CLSTN2: variants seen among roughly 807,000 people sequenced by gnomAD.
CLSTN2 encodes calsyntenin-2.
A neutral mutation model predicts 101.2 loss-of-function variants in CLSTN2; 48 were observed. The ratio of observed to expected loss-of-function variants is 0.47; its 90% CI spans 0.38 to 0.60. CLSTN2 has a LOEUF of 0.60. Among genes scored for constraint, CLSTN2 ranks in the 20% least tolerant of loss-of-function variants. The pLI is 0.00. For synonymous variants in CLSTN2, 481 were observed against 463.6 expected, an observed-to-expected ratio of 1.04 and a Z score of -0.48; for missense variants, 1,160 against 1,238.2, an observed-to-expected ratio of 0.94 and a Z score of 0.95.
chr3:140,212,371 C>T (rs539790010), intron 2 of CLSTN2, among the ~76,000 whole-genome samples: 1 of 152,274 alleles, frequency 6.6e-6, no homozygotes, highest in South Asian at 2.1e-4. Flanking sequence ...TTTGGGGTAA[C>T]ATTTTTCATT....
At chr3:139,996,796 C>T (rs376482578) in intron 1 of CLSTN2, among the ~76,000 whole-genome samples, 1 of 151,874 alleles carries the variant, frequency 6.6e-6, no homozygotes, top group Non-Finnish European at 1.5e-5. Flanking sequence ...GACTGTGATC[C>T]CAGCTCTTTG....
intron 8 of CLSTN2, chr3:140,508,152 C>T (rs1934720780): frequency 6.6e-6 from 1 of 152,240 alleles, no homozygotes; most frequent in Admixed American, 6.5e-5. Context: ...GACTTGTACC[C>T]TCCTTCCTTC....
chr3:140,029,803 G>T (rs955906477), intron 1 of CLSTN2, among the ~76,000 whole-genome samples: 3 of 151,970 alleles, frequency 2.0e-5, no homozygotes, highest in Non-Finnish European at 1.5e-5. Context: ...ATTCCTCTAG[G>T]ATTACTTCTT....
Position 140,570,446 on chromosome 3 carries a change from C to A in CLSTN2, c.*4193C>A, listed in dbSNP as rs1985496935. On this transcript the variant is annotated 3_prime_UTR_variant, in exon 17 of 17. Transcript: ENST00000458420. ...CAGGAAGTTGTGCATAGGCTATATG[C>A]AAATACTATGCATTTTATATAAAGG... 1 of 152,140 alleles carries A rather than the reference C, an allele frequency of 6.6e-6. No individual in the cohort carries two copies. The highest frequency in any genetic ancestry group is 2.4e-5 in the African/African-American group (1 of 41,430). 9.4% of individuals were successfully genotyped at this position (152,140 alleles called of 1,614,324 possible).
intron 1 of CLSTN2, among the ~76,000 whole-genome samples, chr3:139,979,165 G>A (rs918412966): frequency 2.6e-4 from 40 of 152,086 alleles, no homozygotes; most frequent in Admixed American, 7.2e-4. Context: ...TCTGCAATAC[G>A]TGACCAGGAT....
chr3:140,036,186 A>G (rs1364068438), intron 1 of CLSTN2, among the ~76,000 whole-genome samples: 1 of 152,190 alleles, frequency 6.6e-6, no homozygotes, highest in African/African-American at 2.4e-5. Context: ...TACTATCTGT[A>G]AGCTAGATAG....
chr3:140,484,637 A>G (rs1052127354), intron 8 of CLSTN2, among the ~76,000 whole-genome samples: 2 of 152,164 alleles, frequency 1.3e-5, no homozygotes, highest in East Asian at 1.9e-4. Context: ...ACATAGTCCC[A>G]TATTTCTTGG....
intron 8 of CLSTN2, among the ~76,000 whole-genome samples, chr3:140,473,919 G>C (rs1296988883): frequency 6.6e-6 from 1 of 151,996 alleles, no homozygotes; most frequent in Non-Finnish European, 1.5e-5. Flanking sequence ...TACCACGCCA[G>C]GCTAATTTTT....
chr3:140,436,521 C>A (rs1158207984), intron 5 of CLSTN2, among the ~76,000 whole-genome samples: 1 of 152,222 alleles, frequency 6.6e-6, no homozygotes, highest in Non-Finnish European at 1.5e-5. Context: ...GTTCACCTGG[C>A]AAAGGCACAA....
At chr3:140,154,439 A>C (rs2107815905) in intron 1 of CLSTN2, among the ~76,000 whole-genome samples, 1 of 152,216 alleles carries the variant, frequency 6.6e-6, no homozygotes, top group Non-Finnish European at 1.5e-5. Context: ...CTTTATTCTA[A>C]GTGTGGTGGG....
At chr3:140,103,634 C>T (rs568187709) in intron 1 of CLSTN2, among the ~76,000 whole-genome samples, 32 of 152,326 alleles carry the variant, frequency 2.1e-4, no homozygotes, top group Admixed American at 9.8e-4. Context: ...ATTAAGTCTA[C>T]ACTGGGTAGT....
intron 2 of CLSTN2, among the ~76,000 whole-genome samples, chr3:140,395,552 G>A (rs112503019): frequency 9.2e-5 from 14 of 152,320 alleles, no homozygotes; most frequent in African/African-American, 3.4e-4. Context: ...CCAGATGTGT[G>A]AAGAAACACC....
chr3:140,419,512 T>TAC (rs1553741994), intron 4 of CLSTN2, among the ~76,000 whole-genome samples: 2 of 65,900 alleles, frequency 3.0e-5, no homozygotes, highest in Non-Finnish European at 4.9e-5. Context: ...TATATATATA[T>TAC]ACACACACAT....
At chr3:140,187,114 C>T (rs547537605) in intron 2 of CLSTN2, among the ~76,000 whole-genome samples, 1 of 152,118 alleles carries the variant, frequency 6.6e-6, no homozygotes, top group Non-Finnish European at 1.5e-5. Context: ...GGTGAGACAC[C>T]AGGTATAACA....
At chr3:140,057,319 T>C (rs7639666) in intron 1 of CLSTN2, among the ~76,000 whole-genome samples, 1,538 of 152,342 alleles carry the variant, frequency 0.01, 26 homozygotes, top group African/African-American at 0.033. Flanking sequence ...GCTGTACACA[T>C]GCAGAAGACA....
At chr3:140,172,263 G>A (rs1005962629) in intron 1 of CLSTN2, among the ~76,000 whole-genome samples, 4 of 152,046 alleles carry the variant, frequency 2.6e-5, no homozygotes, top group Non-Finnish European at 4.4e-5. Flanking sequence ...AAACCAAGTA[G>A]CTCACAGTTA....
At chr3:140,075,266 G>A (rs2008468017) in intron 1 of CLSTN2, among the ~76,000 whole-genome samples, 1 of 151,850 alleles carries the variant, frequency 6.6e-6, no homozygotes, top group Admixed American at 6.6e-5. Context: ...AGTTTAGGTG[G>A]ATGTTTCAGT....
intron 2 of CLSTN2, among the ~76,000 whole-genome samples, chr3:140,198,514 T>C (rs1220852325): frequency 1.3e-5 from 2 of 152,190 alleles, no homozygotes; most frequent in Non-Finnish European, 2.9e-5. Context: ...CAGTTCTTTA[T>C]TGTCCTAGGG....
At chr3:139,953,930 T>TC (rs1560052585) in intron 1 of CLSTN2, among the ~76,000 whole-genome samples, 2 of 142,052 alleles carry the variant, frequency 1.4e-5, no homozygotes, top group East Asian at 2.1e-4. Flanking sequence ...TGTGTGTGTG[T>TC]TTGTGTGTGT....
Sources: gnomAD v4.1 joint callset for allele counts (sites outside exome capture counted in the v4.1 genomes callset) on GRCh38, gnomAD v4.1.1 for gene constraint, MANE v1.5 for transcripts, NCBI Gene and HGNC (gene_info 2026-07-23, HGNC 2026-07-21) for gene names.